Variants in PPM1E observed in about 807,000 individuals in gnomAD.
The protein encoded by PPM1E is protein phosphatase 1E.
A neutral mutation model predicts 65.9 loss-of-function variants in PPM1E; 20 were observed. The observed-to-expected ratio is 0.30, with a 90% CI of 0.21 to 0.44. The LOEUF (loss-of-function observed/expected upper bound fraction) is 0.44, where lower values mean the gene tolerates loss of function less well. Ranked by LOEUF, PPM1E falls within the 20% of genes least tolerant of loss-of-function variation. The pLI, the probability that PPM1E is intolerant of heterozygous loss-of-function variation, is 1.00. For synonymous variants in PPM1E, 352 were observed against 374.9 expected (o/e 0.94, Z 0.70); for missense variants, 713 against 953.1 (o/e 0.75, Z 3.32).
chr17:58,891,832 C>CTTTTTTTT lies in PPM1E; in HGVS notation c.465-63803_465-63796dup, dbSNP rs5821250. Among the ~76,000 whole-genome samples, 247 of 85,462 alleles carry CTTTTTTTT rather than the reference C, an allele frequency of 2.9e-3. 2 individuals are homozygous for CTTTTTTTT. The highest frequency in any genetic ancestry group is 5.1e-3 in the African/African-American group (106 of 20,952). 56.1% of individuals were successfully genotyped at this position (85,462 alleles called of 152,430 possible). On this transcript the variant is annotated intron_variant, in intron 1 of 6. Transcript: ENST00000308249. ...TTATGTTTTACATTTTTTTCTTTTT[C>CTTTTTTTT]TTTTTTTTTTTTTTTTTTTTTGAGA...
At chr17:58,903,002 A>G (rs1275796640) in intron 1 of PPM1E, among the ~76,000 whole-genome samples, 1 of 152,210 alleles carries the variant, frequency 6.6e-6, no homozygotes, top group African/African-American at 2.4e-5. Flanking sequence ...CACATAGAAA[A>G]GAATATGTCT....
chr17:58,925,901 TAA>T (rs925322395), intron 1 of PPM1E, among the ~76,000 whole-genome samples: 2 of 152,040 alleles, frequency 1.3e-5, no homozygotes, highest in African/African-American at 4.8e-5. Flanking sequence ...AGCAAGTCCC[TAA>T]AAAAATACAT....
At position 58,905,027 on chromosome 17, in the gene PPM1E, A is replaced by AAAAC. The variant is rs202182863; in HGVS notation, c.465-50607_465-50604dup. 2.0e-4 allele frequency among the ~76,000 whole-genome samples: 31 copies of AAAAC among 151,912 alleles called. 1 individual carries two copies. Among genetic ancestry groups the AAAAC allele is most frequent in the Non-Finnish European group, 3.7e-4 (25 of 68,010 alleles). On this transcript the variant is annotated intron_variant, in intron 1 of 6. Coordinates refer to ENST00000308249, the MANE Select transcript of PPM1E (RefSeq NM_014906.5). The stretch of plus-strand genomic sequence containing the variant: ...CAACAAGAGTGAAACTCCATCTCAA[A>AAAAC]AAACAAACAAACAAACAACAAAAAA...
intron 1 of PPM1E, among the ~76,000 whole-genome samples, chr17:58,777,622 G>A (rs571349962): frequency 1.5e-4 from 23 of 152,252 alleles, no homozygotes; most frequent in East Asian, 5.8e-4. Flanking sequence ...AGCATAGTGC[G>A]AGGGAGTGGG....
intron 1 of PPM1E, among the ~76,000 whole-genome samples, chr17:58,880,585 TC>T: frequency 6.6e-6 from 1 of 151,880 alleles, no homozygotes; most frequent in Middle Eastern, 3.4e-3. Flanking sequence ...GAAAAATTTT[TC>T]TTCTGATTCT....
At chr17:58,945,665 T>A (rs2052140179) in intron 1 of PPM1E, among the ~76,000 whole-genome samples, 1 of 152,226 alleles carries the variant, frequency 6.6e-6, no homozygotes. Context: ...CAACTGGTTA[T>A]AAATCAAGGT....
At chr17:58,979,584 C>T (rs1415048575) in intron 6 of PPM1E, among the ~76,000 whole-genome samples, 1 of 152,166 alleles carries the variant, frequency 6.6e-6, no homozygotes, top group African/African-American at 2.4e-5. Flanking sequence ...TAAATCAAAA[C>T]CACCTGCAAA....
intron 1 of PPM1E, among the ~76,000 whole-genome samples, chr17:58,937,586 C>T (rs557440065): frequency 6.8e-6 from 1 of 147,804 alleles, no homozygotes; most frequent in Admixed American, 6.7e-5. Context: ...CTTAAAGAGA[C>T]ATGCCTACGG....
At position 58,847,004 on chromosome 17, in the gene PPM1E, A is replaced by C. The variant is rs190874622; in HGVS notation, c.464+90543A>C. On this transcript the variant is annotated intron_variant, in intron 1 of 6. Transcript: ENST00000308249. ...GTATCTCATTGTGGTTTTGATTTGCATTTCTCTGATGACCAGTGATGTTGA... is the reference window on the plus strand; with the variant it reads ...GTATCTCATTGTGGTTTTGATTTGCCTTTCTCTGATGACCAGTGATGTTGA... 8.6e-3 allele frequency among the ~76,000 whole-genome samples: 1,305 copies of C among 152,184 alleles called. 19 individuals are homozygous for C. The highest frequency in any genetic ancestry group is 0.029 in the African/African-American group (1,217 of 41,512).
intron 1 of PPM1E, among the ~76,000 whole-genome samples, chr17:58,802,439 A>G (rs562354180): frequency 2.5e-4 from 38 of 152,176 alleles, no homozygotes; most frequent in African/African-American, 8.4e-4. Context: ...CTGTAGTTCT[A>G]TCATATAATT....
At chr17:58,963,460 G>A (rs1333604313) in intron 2 of PPM1E, among the ~76,000 whole-genome samples, 4 of 151,572 alleles carry the variant, frequency 2.6e-5, no homozygotes, top group South Asian at 2.1e-4. Flanking sequence ...AGGCCGAGGC[G>A]GGTGGATCAC....
intron 1 of PPM1E, among the ~76,000 whole-genome samples, chr17:58,800,490 G>A (rs2050248728): frequency 6.6e-6 from 1 of 151,998 alleles, no homozygotes. Flanking sequence ...TTCTGAGGTT[G>A]TATAAGATGT....
At chr17:58,816,759 TA>T (rs1567842022) in intron 1 of PPM1E, among the ~76,000 whole-genome samples, 5 of 4,970 alleles carry the variant, frequency 1.0e-3, no homozygotes, top group African/African-American at 6.0e-3. Flanking sequence ...TATATATATA[TA>T]TATATATATA....
At chr17:58,867,004 G>A (rs1420405413) in intron 1 of PPM1E, among the ~76,000 whole-genome samples, 1 of 152,054 alleles carries the variant, frequency 6.6e-6, no homozygotes, top group African/African-American at 2.4e-5. Context: ...TTTTTGAGAT[G>A]GAGTCTCATT....
At chr17:58,955,548 T>C in intron 1 of PPM1E, 101 bp from the exon 2 acceptor site, 3 of 1,326,616 alleles carry the variant, frequency 2.3e-6, no homozygotes, top group South Asian at 1.2e-5. Context: ...TATAATTTTG[T>C]TTTGAGACAA....
At chr17:58,838,837 T>C (rs949753784) in intron 1 of PPM1E, among the ~76,000 whole-genome samples, 4 of 152,162 alleles carry the variant, frequency 2.6e-5, no homozygotes, top group African/African-American at 9.7e-5. Flanking sequence ...TACAATGGAA[T>C]GTTATTAAGC....
At chr17:58,791,185 C>G (rs546268985) in intron 1 of PPM1E, among the ~76,000 whole-genome samples, 3 of 152,246 alleles carry the variant, frequency 2.0e-5, no homozygotes, top group South Asian at 2.1e-4. Context: ...AGCCACCGTG[C>G]CTGGCCTGAG....
intron 1 of PPM1E, among the ~76,000 whole-genome samples, chr17:58,880,688 A>G (rs2051185203): frequency 6.6e-6 from 1 of 152,032 alleles, no homozygotes; most frequent in Admixed American, 6.6e-5. Context: ...CAGTGACACG[A>G]TCTCGGCTCA....
intron 1 of PPM1E, among the ~76,000 whole-genome samples, chr17:58,889,916 G>C (rs2051325098): frequency 6.6e-6 from 1 of 152,184 alleles, no homozygotes; most frequent in South Asian, 2.1e-4. Context: ...TTCAGCATGA[G>C]GTAATATGCT....
Sources: gnomAD v4.1 joint callset for allele counts (sites outside exome capture counted in the v4.1 genomes callset) on GRCh38, gnomAD v4.1.1 for gene constraint, MANE v1.5 for transcripts, NCBI Gene and HGNC (gene_info 2026-07-23, HGNC 2026-07-21) for gene names.